Variants in SCAPER observed in about 807,000 individuals in gnomAD.
SCAPER encodes S phase cyclin A-associated protein in the endoplasmic reticulum.
A neutral mutation model predicts 182.2 loss-of-function variants in SCAPER; 98 were observed. The ratio of observed to expected loss-of-function variants is 0.54; its 90% CI spans 0.46 to 0.64. The LOEUF (loss-of-function observed/expected upper bound fraction) is 0.64. Ranked by LOEUF, SCAPER falls within the 30% of genes least tolerant of loss-of-function variation. The pLI, the probability that SCAPER is intolerant of heterozygous loss-of-function variation, is 0.00. For synonymous variants in SCAPER, 605 were observed against 564.6 expected, an observed-to-expected ratio of 1.07 and a Z score of -1.01; for missense variants, 1,432 against 1,690.0, an observed-to-expected ratio of 0.85 and a Z score of 2.68.
intron 22 of SCAPER, among the ~76,000 whole-genome samples, chr15:76,574,543 G>T (rs937265718): frequency 5.9e-5 from 9 of 152,176 alleles, no homozygotes; most frequent in African/African-American, 1.9e-4. Context: ...AGCAATTGAT[G>T]CCTTTAGTTT....
At position 76,731,745 on chromosome 15, in the gene SCAPER, T is replaced by C. The variant is rs1000302821; in HGVS notation, c.2022+1484A>G. ...AAATCTTTCACTGAAATTAAATCCATAGGAAACTTCAGCACTTTTAAAAAC... is the reference window on the plus strand; with the variant it reads ...AAATCTTTCACTGAAATTAAATCCACAGGAAACTTCAGCACTTTTAAAAAC... On this transcript the variant is annotated intron_variant, in intron 16 of 31. Transcript: ENST00000563290. Among the ~76,000 whole-genome samples, 19 of 152,334 alleles carry C rather than the reference T, an allele frequency of 1.2e-4. 1 individual carries two copies. Among genetic ancestry groups the C allele is most frequent in the African/African-American group, 4.1e-4 (17 of 41,588 alleles).
intron 5 of SCAPER, among the ~76,000 whole-genome samples, chr15:76,822,587 G>C (rs2067670713): frequency 6.6e-6 from 1 of 152,150 alleles, no homozygotes; most frequent in Non-Finnish European, 1.5e-5. Flanking sequence ...ATTCAAATCA[G>C]CTTAACTAGG....
chr15:76,621,156 T>C (rs1470693634), intron 22 of SCAPER, among the ~76,000 whole-genome samples: 1 of 152,200 alleles, frequency 6.6e-6, no homozygotes, highest in East Asian at 1.9e-4. Flanking sequence ...TAGTCTGTAC[T>C]CCCTTCAATA....
chr15:76,479,943 C>G (rs1374937152), intron 24 of SCAPER, among the ~76,000 whole-genome samples: 1 of 152,204 alleles, frequency 6.6e-6, no homozygotes, highest in Non-Finnish European at 1.5e-5. Flanking sequence ...ATAGCAAGTA[C>G]TAGGATCACA....
At chr15:76,764,794 T>A (rs2063013934) in intron 14 of SCAPER, among the ~76,000 whole-genome samples, 167 bp downstream of exon 14, 1 of 152,208 alleles carries the variant, frequency 6.6e-6, no homozygotes, top group Non-Finnish European at 1.5e-5. Context: ...AAAATGACGA[T>A]TTTTTAATAG....
intron 20 of SCAPER, among the ~76,000 whole-genome samples, chr15:76,681,774 G>A (rs1282178641): frequency 6.6e-6 from 1 of 152,174 alleles, no homozygotes; most frequent in East Asian, 1.9e-4. Context: ...TATGCTAACA[G>A]GGAGAGCTGC....
At chr15:76,590,197 G>A (rs753817650) in intron 22 of SCAPER, among the ~76,000 whole-genome samples, 23 of 152,110 alleles carry the variant, frequency 1.5e-4, no homozygotes, top group Non-Finnish European at 2.9e-4. Context: ...ATTTAGTCCC[G>A]CCTCCTATCT....
At chr15:76,728,137 C>G (rs1277018976) in intron 17 of SCAPER, among the ~76,000 whole-genome samples, 1 of 148,162 alleles carries the variant, frequency 6.7e-6, no homozygotes, top group East Asian at 2.0e-4. Flanking sequence ...AAATCTTAAA[C>G]AAGTGATTAA....
At chr15:76,373,637 G>C (rs1285660758) in intron 29 of SCAPER, among the ~76,000 whole-genome samples, 1 of 152,200 alleles carries the variant, frequency 6.6e-6, no homozygotes. Flanking sequence ...CCTGGCAACA[G>C]GGTCTGTAAA....
At chr15:76,542,543 T>TAAAAA (rs2044855669) in intron 23 of SCAPER, among the ~76,000 whole-genome samples, 1 of 142,974 alleles carries the variant, frequency 7.0e-6, no homozygotes, top group South Asian at 2.2e-4. Flanking sequence ...AATAAATAAA[T>TAAAAA]AAATAAAAAT....
intron 10 of SCAPER, among the ~76,000 whole-genome samples, chr15:76,768,004 C>G (rs1374173608): frequency 1.3e-5 from 2 of 152,060 alleles, no homozygotes; most frequent in African/African-American, 4.8e-5. Flanking sequence ...GTCAATTCAT[C>G]AAGACGACAA....
chr15:76,454,999 G>C (rs901174157), intron 25 of SCAPER, among the ~76,000 whole-genome samples: 1 of 152,088 alleles, frequency 6.6e-6, no homozygotes, highest in Non-Finnish European at 1.5e-5. Context: ...GTATAAAGCT[G>C]TTCAAAGTAT....
chr15:76,710,814 A>G (rs998727901), intron 17 of SCAPER, among the ~76,000 whole-genome samples: 4 of 152,146 alleles, frequency 2.6e-5, no homozygotes, highest in Non-Finnish European at 5.9e-5. Flanking sequence ...AAGTTGGAGT[A>G]TTTATACTAA....
chr15:76,842,666 G>T (rs2069595089), intron 4 of SCAPER, among the ~76,000 whole-genome samples: 1 of 152,094 alleles, frequency 6.6e-6, no homozygotes, highest in African/African-American at 2.4e-5. Context: ...GGATACTGAG[G>T]AACAACTGTA....
chr15:76,889,511 G>A (rs899047218), intron 1 of SCAPER, among the ~76,000 whole-genome samples: 5 of 152,040 alleles, frequency 3.3e-5, no homozygotes, highest in East Asian at 1.9e-4. Flanking sequence ...AAAAAAGCAG[G>A]GGTCGCAATT....
intron 1 of SCAPER, among the ~76,000 whole-genome samples, chr15:76,894,123 A>G (rs1009749303): frequency 3.3e-5 from 5 of 152,102 alleles, no homozygotes; most frequent in Admixed American, 3.3e-4. Flanking sequence ...GCAGTGGCGC[A>G]TGCCTGCAGT....
At chr15:76,759,400 T>C (rs1210157157) in intron 14 of SCAPER, among the ~76,000 whole-genome samples, 3 of 152,144 alleles carry the variant, frequency 2.0e-5, no homozygotes, top group African/African-American at 4.8e-5. Context: ...AAGGGTGGCA[T>C]GGGCACTATG....
chr15:76,796,385 A>T (rs541559034), intron 7 of SCAPER, among the ~76,000 whole-genome samples: 51 of 152,388 alleles, frequency 3.3e-4, no homozygotes, highest in African/African-American at 1.1e-3. Context: ...TCACAAAAAC[A>T]ATGACTCTTT....
Position 76,740,720 on chromosome 15 carries a change from A to G in SCAPER, c.1867-7336T>C, listed in dbSNP as rs190187590. On this transcript the variant is annotated intron_variant, in intron 15 of 31. Transcript: ENST00000563290. ...CCTAGAAAAAAGTTTTTTTCTTAAT[A>G]AAATCCAGCAAACCAAAAGATAAAA... Among the ~76,000 whole-genome samples the G allele has an allele frequency of 1.1e-3, 160 of 152,298 alleles. 3 individuals are homozygous for G. Among genetic ancestry groups the G allele is most frequent in the African/African-American group, 3.8e-3 (157 of 41,590 alleles).
Sources: allele counts gnomAD v4.1 joint callset (sites outside exome capture counted in the v4.1 genomes callset), GRCh38; gene constraint gnomAD v4.1.1; transcripts MANE v1.5; gene names NCBI Gene and HGNC (gene_info 2026-07-23, HGNC 2026-07-21).